FOXP1: variants seen among roughly 807,000 people sequenced by gnomAD.
The protein encoded by FOXP1 is forkhead box protein P1.
A neutral mutation model predicts 98.2 loss-of-function variants in FOXP1; 15 were observed. The observed-to-expected ratio is 0.15, with a 90% CI of 0.10 to 0.24. The LOEUF is 0.24. Among genes scored for constraint, FOXP1 ranks in the 10% least tolerant of loss-of-function variants. The probability of loss-of-function intolerance (pLI) is 1.00; values close to 1 mark genes in which losing one functional copy is unlikely to be tolerated. For synonymous variants in FOXP1, 371 were observed against 314.5 expected, an observed-to-expected ratio of 1.18 and a Z score of -1.90; for missense variants, 633 against 848.5, an observed-to-expected ratio of 0.75 and a Z score of 3.15.
intron 2 of FOXP1, among the ~76,000 whole-genome samples, chr3:71,515,550 G>A (rs934275384): frequency 6.6e-5 from 10 of 151,520 alleles, no homozygotes; most frequent in East Asian, 1.9e-4. Context: ...TATAATGATC[G>A]GAGACAGGGG....
chr3:71,280,256 T>C (rs1168056950), intron 5 of FOXP1, among the ~76,000 whole-genome samples: 1 of 152,070 alleles, frequency 6.6e-6, no homozygotes, highest in Non-Finnish European at 1.5e-5. Flanking sequence ...ATTCAATATA[T>C]TTAAAACATT....
At chr3:71,041,613 G>T in intron 10 of FOXP1, 81 bp from the exon 11 acceptor site, 1 of 1,389,306 alleles carries the variant, frequency 7.2e-7, no homozygotes, top group Non-Finnish European at 1.0e-6. Context: ...CAAAGAGTCA[G>T]TAAACAAAGC....
chr3:70,976,560 ATAGATCGC>A (rs1251340086), intron 17 of FOXP1, among the ~76,000 whole-genome samples: 3 of 152,128 alleles, frequency 2.0e-5, no homozygotes, highest in Non-Finnish European at 4.4e-5. Flanking sequence ...ATCTCTGGAG[ATAGATCGC>A]TGGAGATACA....
chr3:71,287,293 G>C (rs753047366), intron 5 of FOXP1, among the ~76,000 whole-genome samples: 1 of 152,016 alleles, frequency 6.6e-6, no homozygotes, highest in East Asian at 1.9e-4. Context: ...GGAAAATGGC[G>C]AAACCCTGTC....
At chr3:71,048,202 T>G (rs1170118653) in intron 9 of FOXP1, among the ~76,000 whole-genome samples, 2 of 152,142 alleles carry the variant, frequency 1.3e-5, no homozygotes, top group Non-Finnish European at 2.9e-5. Flanking sequence ...CTGAGTATGA[T>G]TCAAAAGATC....
intron 11 of FOXP1, among the ~76,000 whole-genome samples, chr3:71,037,509 C>A (rs1211295177): frequency 6.6e-6 from 1 of 152,132 alleles, no homozygotes; most frequent in Non-Finnish European, 1.5e-5. Flanking sequence ...GAAGTCGAGA[C>A]TCTCTGTCCC....
chr3:71,436,798 G>A (rs913326888), intron 3 of FOXP1, among the ~76,000 whole-genome samples: 5 of 152,068 alleles, frequency 3.3e-5, no homozygotes, highest in Non-Finnish European at 7.4e-5. Context: ...GTGATCTGTA[G>A]GCAGGAATAC....
At chr3:71,221,629 C>T (rs746382643) in intron 5 of FOXP1, among the ~76,000 whole-genome samples, 11 of 152,088 alleles carry the variant, frequency 7.2e-5, no homozygotes, top group Non-Finnish European at 8.8e-5. Flanking sequence ...GCATCTCTAC[C>T]GCCTCCCGCA....
intron 5 of FOXP1, among the ~76,000 whole-genome samples, chr3:71,218,080 T>C (rs1205603008): frequency 6.6e-6 from 1 of 152,192 alleles, no homozygotes; most frequent in Non-Finnish European, 1.5e-5. Flanking sequence ...CGGAGGTGAC[T>C]TGAGTCCATC....
chr3:70,956,431 T>C lies in FOXP1; in HGVS notation c.*2816A>G, dbSNP rs908442985. The C allele has an allele frequency of 4.4e-6, 1 of 225,454 alleles. No homozygotes were observed. Among genetic ancestry groups the C allele is most frequent in the Non-Finnish European group, 8.8e-6 (1 of 113,404 alleles). The allele number at this position is 225,454 out of a possible 1,614,324, so 14.0% of individuals were successfully genotyped here. A position where few individuals can be genotyped will look rare whatever the true frequency, so the allele number is the denominator to read the frequency against. On this transcript the variant is annotated 3_prime_UTR_variant, in exon 21 of 21. Coordinates refer to ENST00000649528, the MANE Select transcript of FOXP1 (RefSeq NM_001349338.3). Reference sequence around the variant, plus strand: ...CTAATTTTTCTTTTTTTTTTTTTTTTGCTACAGTCTTTAGACTAAGCATGC... The same window carrying C: ...CTAATTTTTCTTTTTTTTTTTTTTTCGCTACAGTCTTTAGACTAAGCATGC...
At chr3:71,473,555 G>C (rs1220304050) in intron 3 of FOXP1, among the ~76,000 whole-genome samples, 1 of 151,996 alleles carries the variant, frequency 6.6e-6, no homozygotes, top group East Asian at 1.9e-4. Context: ...TATAACCCAA[G>C]GACCTGTTCT....
At chr3:71,234,295 TC>T (rs1324638073) in intron 5 of FOXP1, among the ~76,000 whole-genome samples, 5 of 152,184 alleles carry the variant, frequency 3.3e-5, no homozygotes, top group African/African-American at 1.2e-4. Flanking sequence ...CACTAACCAT[TC>T]ATTATATTCC....
chr3:71,331,214 C>T (rs1379638350), intron 4 of FOXP1, among the ~76,000 whole-genome samples: 1 of 152,180 alleles, frequency 6.6e-6, no homozygotes, highest in African/African-American at 2.4e-5. Flanking sequence ...GCTCGGCGGC[C>T]CCGCACTTGG....
chr3:71,007,513 C>T (rs931256454), intron 12 of FOXP1, among the ~76,000 whole-genome samples: 2 of 152,076 alleles, frequency 1.3e-5, no homozygotes, highest in Non-Finnish European at 2.9e-5. Flanking sequence ...TTTCCAAAAC[C>T]ACAAACATAG....
intron 3 of FOXP1, among the ~76,000 whole-genome samples, chr3:71,436,176 A>C (rs904663196): frequency 6.6e-6 from 1 of 151,850 alleles, no homozygotes; most frequent in Non-Finnish European, 1.5e-5. Context: ...TGGGCTCTTC[A>C]GGTCATCAAA....
chr3:71,064,054 T>A (rs995840622), intron 7 of FOXP1, among the ~76,000 whole-genome samples: 1 of 152,084 alleles, frequency 6.6e-6, no homozygotes, highest in African/African-American at 2.4e-5. Flanking sequence ...AATTCCTCAG[T>A]CTGCTGCACG....
chr3:71,261,131 T>C (rs1324345381), intron 5 of FOXP1, among the ~76,000 whole-genome samples: 2 of 152,190 alleles, frequency 1.3e-5, no homozygotes, highest in African/African-American at 2.4e-5. Context: ...TGTAGGGTAT[T>C]ACACAACCTA....
At chr3:71,065,407 T>C (rs2052351418) in intron 7 of FOXP1, among the ~76,000 whole-genome samples, 1 of 152,142 alleles carries the variant, frequency 6.6e-6, no homozygotes, top group South Asian at 2.1e-4. Context: ...ACTGTTCGGC[T>C]TCGGGAGGGT....
chr3:71,432,968 T>G (rs1425764823), intron 3 of FOXP1, among the ~76,000 whole-genome samples: 1 of 151,962 alleles, frequency 6.6e-6, no homozygotes, highest in African/African-American at 2.4e-5. Context: ...ATAATTTGAA[T>G]GATTCTAATG....
Sources: allele counts gnomAD v4.1 joint callset (sites outside exome capture counted in the v4.1 genomes callset), GRCh38; gene constraint gnomAD v4.1.1; transcripts MANE v1.5; gene names NCBI Gene and HGNC (gene_info 2026-07-23, HGNC 2026-07-21).